RSU1: variants seen among roughly 807,000 people sequenced by gnomAD.
The protein encoded by RSU1 is Ras suppressor protein 1, also known as rsu-1.
A neutral mutation model predicts 31.1 loss-of-function variants in RSU1; 26 were observed. That is an observed-to-expected ratio of 0.84 (90% CI 0.61 to 1.16). The LOEUF (loss-of-function observed/expected upper bound fraction) is 1.16. Among genes scored for constraint, RSU1 ranks in the 50% most tolerant of loss-of-function variants. The pLI, the probability that RSU1 is intolerant of heterozygous loss-of-function variation, is 0.00. For synonymous variants in RSU1, 164 were observed against 136.3 expected (o/e 1.20, Z -1.41); for missense variants, 320 against 339.1 (o/e 0.94, Z 0.44).
At chr10:16,708,990 G>T (rs1459748312) in intron 7 of RSU1, among the ~76,000 whole-genome samples, 5 of 150,740 alleles carry the variant, frequency 3.3e-5, no homozygotes, top group African/African-American at 1.2e-4. Flanking sequence ...CTTTAGTAGA[G>T]TCCTTTGGTT....
intron 7 of RSU1, among the ~76,000 whole-genome samples, chr10:16,724,933 G>T (rs191874398): frequency 1.6e-4 from 24 of 152,298 alleles, no homozygotes; most frequent in African/African-American, 5.5e-4. Context: ...CATACTGAAT[G>T]GTTCCGTTCA....
chr10:16,802,594 G>C (rs1293909384), intron 2 of RSU1, among the ~76,000 whole-genome samples: 1 of 152,050 alleles, frequency 6.6e-6, no homozygotes, highest in Non-Finnish European at 1.5e-5. Context: ...TTACAAAAAG[G>C]AGAAACTACA....
chr10:16,683,160 G>GGTGTGTGTGTGTGTGTGTGTGT (rs4012467), intron 8 of RSU1, among the ~76,000 whole-genome samples: 3,506 of 143,344 alleles, frequency 0.024, 83 homozygotes, highest in East Asian at 0.072. Context: ...ATGGGTGTGT[G>GGTGTGTGTGTGTGTGTGTGTGT]GTGTGTGTGT....
intron 7 of RSU1, among the ~76,000 whole-genome samples, chr10:16,725,122 C>T (rs1231701841): frequency 1.3e-5 from 2 of 152,154 alleles, no homozygotes; most frequent in African/African-American, 4.8e-5. Flanking sequence ...GTTGATCATT[C>T]GCTGAACTAT....
rs996015893 is a variant in RSU1, at chr10:16,591,186, A to G, written c.*2208T>C. On this transcript the variant is annotated 3_prime_UTR_variant, in exon 9 of 9. Transcript: ENST00000345264. ...CTTGGCCTCCCAAAGTGTTAGGATT[A>G]CAGGCATGAGCCACTGTGCCTGGCC... The G allele has an allele frequency of 1.3e-5, 2 of 152,304 alleles. No homozygotes were observed. Among genetic ancestry groups the G allele is most frequent in the Non-Finnish European group, 2.9e-5 (2 of 68,096 alleles). 9.4% of individuals were successfully genotyped at this position (152,304 alleles called of 1,614,324 possible). A position where few individuals can be genotyped will look rare whatever the true frequency, so the allele number is the denominator to read the frequency against.
At position 16,803,843 on chromosome 10, in the gene RSU1, C is replaced by G. The variant is rs1349871380; in HGVS notation, c.109+13130G>C. Reference sequence around the variant, plus strand: ...ACAAAAATGAACTCCAAATGAATCACAGACCTAATGAAAAACACAAAGCTA... The same window carrying G: ...ACAAAAATGAACTCCAAATGAATCAGAGACCTAATGAAAAACACAAAGCTA... On this transcript the variant is annotated intron_variant, in intron 2 of 8. Transcript: ENST00000345264. Among the ~76,000 whole-genome samples the G allele has an allele frequency of 2.6e-5, 4 of 152,260 alleles. No homozygotes were observed. In the East Asian group the frequency reaches 7.7e-4, roughly 29 times the overall value.
At chr10:16,682,599 T>G (rs1835350801) in intron 8 of RSU1, among the ~76,000 whole-genome samples, 1 of 135,728 alleles carries the variant, frequency 7.4e-6, no homozygotes, top group African/African-American at 2.8e-5. Context: ...AGGGTGGACA[T>G]GCGTTCCTCC....
chr10:16,647,553 T>C (rs1444583307), intron 8 of RSU1, among the ~76,000 whole-genome samples: 1 of 152,278 alleles, frequency 6.6e-6, no homozygotes, highest in South Asian at 2.1e-4. Flanking sequence ...ATGATGTTAT[T>C]CAGACATAAA....
rs1434060434 is a variant in RSU1, at chr10:16,776,807, T to TA, written c.160+5226_160+5227insT. 8.0e-3 allele frequency among the ~76,000 whole-genome samples: 1,094 copies of TA among 137,050 alleles called. 13 individuals carry two copies. The highest frequency in any genetic ancestry group is 0.029 in the African/African-American group (985 of 33,558). 89.9% of individuals were successfully genotyped at this position (137,050 alleles called of 152,430 possible). A position where few individuals can be genotyped will look rare whatever the true frequency, so the allele number is the denominator to read the frequency against. On this transcript the variant is annotated intron_variant, in intron 3 of 8. Coordinates refer to ENST00000345264, the MANE Select transcript of RSU1 (RefSeq NM_012425.4). ...CCTCAACACACATGGGTCACAAAAT[T>TA]TAAAAAAAAAAAAAAAAACTACTGC...
intron 8 of RSU1, among the ~76,000 whole-genome samples, chr10:16,625,005 T>C (rs1276313714): frequency 6.6e-6 from 1 of 152,130 alleles, no homozygotes; most frequent in Non-Finnish European, 1.5e-5. Flanking sequence ...TCACCTTCAT[T>C]AGTATTTAAG....
intron 8 of RSU1, among the ~76,000 whole-genome samples, chr10:16,645,950 GTATATACATATATGTGTATA>G (rs1564298384): frequency 5.1e-5 from 2 of 39,256 alleles, no homozygotes; most frequent in Non-Finnish European, 8.6e-5. Flanking sequence ...ATATATATGT[GTATATACATATATGTGTATA>G]TATATGTGTA....
chr10:16,615,116 G>C (rs1361332766), intron 8 of RSU1, among the ~76,000 whole-genome samples: 1 of 152,006 alleles, frequency 6.6e-6, no homozygotes, highest in Admixed American at 6.6e-5. Flanking sequence ...AGACCCATTG[G>C]TGTGCTGTAT....
chr10:16,704,753 T>G (rs1835860705), intron 7 of RSU1, among the ~76,000 whole-genome samples: 1 of 152,346 alleles, frequency 6.6e-6, no homozygotes, highest in South Asian at 2.1e-4. Flanking sequence ...TCTTTTCTTT[T>G]TGATTAGTTT....
intron 7 of RSU1, 32 bp downstream of exon 7, chr10:16,752,507 C>A (rs1299391331): frequency 6.6e-7 from 1 of 1,513,954 alleles, no homozygotes. Flanking sequence ...TTCATGAAAC[C>A]CAGAACTAAG....
chr10:16,655,520 G>T (rs1472522684), intron 8 of RSU1, among the ~76,000 whole-genome samples: 1 of 152,090 alleles, frequency 6.6e-6, no homozygotes, highest in African/African-American at 2.4e-5. Context: ...TACAATAACT[G>T]TTTGATAATT....
chr10:16,635,059 G>A (rs1834322999), intron 8 of RSU1, among the ~76,000 whole-genome samples: 1 of 152,142 alleles, frequency 6.6e-6, no homozygotes. Flanking sequence ...GAAGAAAACG[G>A]ACGTCCATAA....
chr10:16,707,527 G>C (rs3951063), intron 7 of RSU1, among the ~76,000 whole-genome samples: 1 of 150,862 alleles, frequency 6.6e-6, no homozygotes, highest in African/African-American at 2.4e-5. Flanking sequence ...TGTCTGCTTT[G>C]GACACATGTC....
intron 8 of RSU1, among the ~76,000 whole-genome samples, chr10:16,638,305 C>G (rs574244943): frequency 4.1e-4 from 62 of 151,882 alleles, no homozygotes; most frequent in Non-Finnish European, 8.1e-4. Flanking sequence ...GCCTTTTTTT[C>G]GCGCGCATGT....
At chr10:16,721,887 G>T (rs1836271415) in intron 7 of RSU1, among the ~76,000 whole-genome samples, 1 of 152,134 alleles carries the variant, frequency 6.6e-6, no homozygotes, top group Non-Finnish European at 1.5e-5. Context: ...CTTACTAAGG[G>T]ATTAAAACAT....
Sources: gnomAD v4.1 joint callset for allele counts (sites outside exome capture counted in the v4.1 genomes callset) on GRCh38, gnomAD v4.1.1 for gene constraint, MANE v1.5 for transcripts, NCBI Gene and HGNC (gene_info 2026-07-23, HGNC 2026-07-21) for gene names.